The following PHF14 variants were observed in gnomAD, a reference collection of about 807,000 sequenced individuals.
PHF14 encodes PHD finger protein 14.
A neutral mutation model predicts 117.9 loss-of-function variants in PHF14; 55 were observed. That is an observed-to-expected ratio of 0.47 (90% CI 0.38 to 0.58). The LOEUF is 0.58. PHF14 is among the 20% of genes least tolerant of loss of function. The probability of loss-of-function intolerance (pLI) is 0.00; values close to 1 mark genes in which losing one functional copy is unlikely to be tolerated. For missense variants in PHF14, 978 were observed against 1,122.2 expected (o/e 0.87, Z 1.84); for synonymous variants, 409 against 368.6 (o/e 1.11, Z -1.26).
chr7:11,084,528 TG>T (rs1238114111), intron 16 of PHF14, among the ~76,000 whole-genome samples: 1 of 151,672 alleles, frequency 6.6e-6, no homozygotes, highest in Non-Finnish European at 1.5e-5. Flanking sequence ...CAATGCATAA[TG>T]GACTTTTTCT....
Position 11,009,421 on chromosome 7 carries a change from T to C in PHF14, c.1046-4326T>C, listed in dbSNP as rs146707123. Among the ~76,000 whole-genome samples, 73 of 152,310 alleles carry C rather than the reference T, an allele frequency of 4.8e-4. 2 individuals are homozygous for C. The highest frequency in any genetic ancestry group is 1.7e-3 in the African/African-American group (70 of 41,568). On this transcript the variant is annotated intron_variant, in intron 4 of 17. Transcript: ENST00000634607. ...GTACATTGCATATATTAGTCAAAGA[T>C]TGATGCTAATTAAATGGCCATAGAA...
intron 4 of PHF14, chr7:11,006,551 G>T: frequency 1.7e-6 from 1 of 588,858 alleles, no homozygotes; most frequent in Non-Finnish European, 3.3e-6. Context: ...GTTTGATCTG[G>T]TGCTTGTTGG....
intron 17 of PHF14, among the ~76,000 whole-genome samples, chr7:11,122,394 C>T (rs1325320856): frequency 8.2e-5 from 10 of 122,036 alleles, no homozygotes; most frequent in Non-Finnish European, 1.4e-4. Context: ...CATACATACA[C>T]ACACATATAT....
At chr7:11,061,035 A>C (rs954860662) in intron 14 of PHF14, among the ~76,000 whole-genome samples, 4 of 152,110 alleles carry the variant, frequency 2.6e-5, no homozygotes, top group African/African-American at 9.7e-5. Flanking sequence ...TGTCAAAGTA[A>C]TTTTTGGAAG....
At chr7:10,984,596 C>G (rs533090821) in intron 3 of PHF14, among the ~76,000 whole-genome samples, 1 of 152,240 alleles carries the variant, frequency 6.6e-6, no homozygotes, top group Admixed American at 6.5e-5. Flanking sequence ...GACCACATCA[C>G]TTTCTTCATT....
intron 16 of PHF14, among the ~76,000 whole-genome samples, chr7:11,095,819 A>T: frequency 6.6e-6 from 1 of 152,302 alleles, no homozygotes; most frequent in Middle Eastern, 3.4e-3. Context: ...AGAGTATGAG[A>T]TAAAACCTCA....
At chr7:11,006,284 C>T (rs973107972) in intron 4 of PHF14, 1 of 384,400 alleles carries the variant, frequency 2.6e-6, no homozygotes, top group South Asian at 2.1e-5. Context: ...ATCTTGTGGC[C>T]ATTTGCCACA....
At chr7:11,074,399 G>T (rs1463353447) in intron 16 of PHF14, among the ~76,000 whole-genome samples, 1 of 151,602 alleles carries the variant, frequency 6.6e-6, no homozygotes, top group East Asian at 1.9e-4. Context: ...TTTAGTAGAG[G>T]CAGGGTTTCG....
At position 11,133,600 on chromosome 7, in the gene PHF14, G is replaced by A. The variant is rs536324939; in HGVS notation, c.2772+22133G>A. 3.3e-5 allele frequency among the ~76,000 whole-genome samples: 5 copies of A among 151,962 alleles called. No individual in the cohort carries two copies. The South Asian group carries it at 8.3e-4, about 25-fold the overall frequency. Reference sequence around the variant, plus strand: ...TTAGAGGAAGTTAGGGATCAGAAGAGGACAGGAAAAGCTAATCTCCAGAGT... The same window carrying A: ...TTAGAGGAAGTTAGGGATCAGAAGAAGACAGGAAAAGCTAATCTCCAGAGT... On this transcript the variant is annotated intron_variant, in intron 17 of 17. Transcript: ENST00000634607.
At chr7:11,110,102 G>T (rs542194820) in intron 16 of PHF14, 3 of 151,974 alleles carry the variant, frequency 2.0e-5, no homozygotes, top group Non-Finnish European at 4.4e-5. Context: ...TACTAAAAAT[G>T]TAGATTTACA....
chr7:11,150,236 A>T lies in PHF14; in HGVS notation c.2773-19180A>T, dbSNP rs534028805. ...AACATCCAAGAGAGCTACAATACGC[A>T]TTAGAATGCTTATGGTTATTGTTAC... On this transcript the variant is annotated intron_variant, in intron 17 of 17. Coordinates refer to ENST00000634607, the MANE Select transcript of PHF14 (RefSeq NM_001007157.2). Among the ~76,000 whole-genome samples the T allele has an allele frequency of 2.0e-5, 3 of 152,290 alleles. No homozygotes were observed. The East Asian group carries it at 5.8e-4, about 29-fold the overall frequency.
intron 16 of PHF14, among the ~76,000 whole-genome samples, chr7:11,065,825 A>T (rs10240831): frequency 0.11 from 16,733 of 152,182 alleles, 1,115 homozygotes; most frequent in African/African-American, 0.19. Context: ...CACATTTATT[A>T]CTTAATCAGA....
intron 5 of PHF14, among the ~76,000 whole-genome samples, chr7:11,015,740 T>TA (rs1783512281): frequency 6.6e-6 from 1 of 152,134 alleles, no homozygotes; most frequent in Non-Finnish European, 1.5e-5. Flanking sequence ...CTACTGCCGT[T>TA]ACTGCTGCTA....
intron 14 of PHF14, among the ~76,000 whole-genome samples, chr7:11,055,494 A>G (rs1583418366): frequency 6.6e-6 from 1 of 152,082 alleles, no homozygotes; most frequent in East Asian, 1.9e-4. Flanking sequence ...GTTGTGTTTT[A>G]TATATTTTCT....
intron 2 of PHF14, among the ~76,000 whole-genome samples, chr7:10,975,334 A>G (rs907795159): frequency 6.6e-6 from 1 of 152,180 alleles, no homozygotes; most frequent in Non-Finnish European, 1.5e-5. Flanking sequence ...AGATCACTTG[A>G]CAATCTCTTA....
At chr7:11,020,783 A>C (rs1417176995) in intron 5 of PHF14, among the ~76,000 whole-genome samples, 1 of 152,160 alleles carries the variant, frequency 6.6e-6, no homozygotes, top group African/African-American at 2.4e-5. Context: ...TCTGAAACCA[A>C]TTCTTCATAT....
intron 17 of PHF14, among the ~76,000 whole-genome samples, chr7:11,116,939 T>C (rs1039456971): frequency 1.3e-5 from 2 of 151,972 alleles, no homozygotes; most frequent in Admixed American, 6.6e-5. Context: ...AGATATAAAG[T>C]AGACTTAGTA....
intron 17 of PHF14, among the ~76,000 whole-genome samples, chr7:11,121,152 G>T (rs118030845): frequency 6.6e-6 from 1 of 152,114 alleles, no homozygotes; most frequent in African/African-American, 2.4e-5. Context: ...TTTTTAACAG[G>T]TAAATATCAG....
intron 17 of PHF14, among the ~76,000 whole-genome samples, chr7:11,145,503 A>C (rs140134461): frequency 2.4e-4 from 37 of 152,186 alleles, no homozygotes; most frequent in African/African-American, 7.7e-4. Context: ...GCAGAATAGA[A>C]TTGAGCATTT....
Sources: gnomAD v4.1 joint callset for allele counts (sites outside exome capture counted in the v4.1 genomes callset) on GRCh38, gnomAD v4.1.1 for gene constraint, MANE v1.5 for transcripts, NCBI Gene and HGNC (gene_info 2026-07-23, HGNC 2026-07-21) for gene names.